Variants in NPAS3 observed in about 807,000 individuals in gnomAD.
The protein encoded by NPAS3 is neuronal PAS domain-containing protein 3.
Under a neutral mutation model 73.1 loss-of-function variants are expected in NPAS3, and 14 were observed. That is an observed-to-expected ratio of 0.19 (90% CI 0.13 to 0.30). The LOEUF is 0.30. Ranked by LOEUF, NPAS3 falls within the 10% of genes least tolerant of loss-of-function variation. The pLI, the probability that NPAS3 is intolerant of heterozygous loss-of-function variation, is 1.00. For synonymous variants in NPAS3, 620 were observed against 541.5 expected (o/e 1.14, Z -2.01); for missense variants, 1,096 against 1,250.0 (o/e 0.88, Z 1.86).
chr14:33,077,746 T>C (rs1449810003), intron 2 of NPAS3, among the ~76,000 whole-genome samples: 2 of 136,516 alleles, frequency 1.5e-5, no homozygotes, highest in Non-Finnish European at 3.1e-5. Flanking sequence ...TGAGTCAGTG[T>C]TGCTTTGCTC....
At chr14:33,368,912 G>C (rs2140425893) in intron 4 of NPAS3, among the ~76,000 whole-genome samples, 1 of 152,216 alleles carries the variant, frequency 6.6e-6, no homozygotes, top group African/African-American at 2.4e-5. Flanking sequence ...CTCAGAAATT[G>C]TTACCTAAGA....
intron 3 of NPAS3, among the ~76,000 whole-genome samples, chr14:33,340,409 C>T (rs999397175): frequency 1.3e-5 from 2 of 152,208 alleles, no homozygotes; most frequent in African/African-American, 4.8e-5. Context: ...GCAGGAGAAT[C>T]TCTTGAACCT....
At chr14:33,026,895 T>TC (rs1438335263) in intron 1 of NPAS3, among the ~76,000 whole-genome samples, 1 of 152,180 alleles carries the variant, frequency 6.6e-6, no homozygotes, top group Admixed American at 6.5e-5. Context: ...TTCCCTTTTT[T>TC]CCCCCTGTTA....
intron 6 of NPAS3, among the ~76,000 whole-genome samples, chr14:33,683,426 T>TTAAA (rs1566419917): frequency 3.1e-5 from 1 of 31,986 alleles, no homozygotes. Context: ...TTTCCTCATT[T>TTAAA]CAAAAAAAAA....
At chr14:32,994,097 C>A (rs946776978) in intron 1 of NPAS3, among the ~76,000 whole-genome samples, 16 of 152,124 alleles carry the variant, frequency 1.1e-4, no homozygotes, top group African/African-American at 3.9e-4. Flanking sequence ...GGTGATAGAG[C>A]AGCTGGTGTT....
At chr14:33,287,606 C>T (rs2041930349) in intron 3 of NPAS3, among the ~76,000 whole-genome samples, 1 of 152,186 alleles carries the variant, frequency 6.6e-6, no homozygotes, top group African/African-American at 2.4e-5. Context: ...TTCCCTCCAC[C>T]TGCATCCCTC....
At chr14:33,560,009 C>CAAAAATAAAAAA (rs2055562686) in intron 4 of NPAS3, 112 bp from the exon 5 acceptor site, 1 of 376,040 alleles carries the variant, frequency 2.7e-6, no homozygotes, top group Non-Finnish European at 4.6e-6. Context: ...GACTCTGTCT[C>CAAAAATAAAAAA]AAAAAAAAAA....
chr14:33,003,921 G>A (rs1595200268), intron 1 of NPAS3, among the ~76,000 whole-genome samples: 1 of 152,128 alleles, frequency 6.6e-6, no homozygotes, highest in South Asian at 2.1e-4. Context: ...CATAAGAAAG[G>A]TATTGTAGTA....
intron 4 of NPAS3, among the ~76,000 whole-genome samples, chr14:33,480,449 G>T (rs1318094028): frequency 6.6e-6 from 1 of 151,988 alleles, no homozygotes; most frequent in Admixed American, 6.6e-5. Context: ...CTGTTCCATA[G>T]AATTCCTGAA....
At chr14:33,431,431 A>C (rs1446355334) in intron 4 of NPAS3, among the ~76,000 whole-genome samples, 2 of 152,122 alleles carry the variant, frequency 1.3e-5, no homozygotes, top group African/African-American at 2.4e-5. Flanking sequence ...AAGGCCATTA[A>C]ACATTCTTTG....
intron 4 of NPAS3, among the ~76,000 whole-genome samples, chr14:33,386,269 AC>A (rs1265304846): frequency 2.6e-5 from 4 of 152,220 alleles, no homozygotes; most frequent in African/African-American, 9.6e-5. Flanking sequence ...AAGTCTATGA[AC>A]TATGAGTATT....
At chr14:33,009,368 T>A (rs1290978181) in intron 1 of NPAS3, among the ~76,000 whole-genome samples, 2 of 152,068 alleles carry the variant, frequency 1.3e-5, no homozygotes, top group East Asian at 3.9e-4. Flanking sequence ...CTTGAGAGAA[T>A]TGTGTCTTGA....
intron 2 of NPAS3, among the ~76,000 whole-genome samples, chr14:33,098,370 T>C (rs543318792): frequency 2.5e-4 from 38 of 152,328 alleles, no homozygotes; most frequent in African/African-American, 9.1e-4. Context: ...TGGTAGGCAT[T>C]TAACTGATTC....
intron 5 of NPAS3, among the ~76,000 whole-genome samples, chr14:33,659,572 C>T (rs1204051355): frequency 1.3e-5 from 2 of 152,178 alleles, no homozygotes; most frequent in Admixed American, 1.3e-4. Flanking sequence ...AAAGACAGAA[C>T]TTCATTTCTA....
chr14:33,093,394 A>T (rs933582666), intron 2 of NPAS3, among the ~76,000 whole-genome samples: 4 of 152,240 alleles, frequency 2.6e-5, no homozygotes, highest in South Asian at 2.1e-4. Flanking sequence ...GCCATCAGAG[A>T]AATGCAAATC....
chr14:33,206,707 T>C (rs1186027918), intron 2 of NPAS3, among the ~76,000 whole-genome samples: 1 of 152,174 alleles, frequency 6.6e-6, no homozygotes, highest in African/African-American at 2.4e-5. Context: ...GGTTCCATGA[T>C]GTTCTTTGAT....
rs758642018 is a variant in NPAS3 at position 33,799,964 on chromosome 14, A to T, written c.1657A>T (p.Met553Leu). 14 of 1,613,948 alleles carry T rather than the reference A, an allele frequency of 8.7e-6. No homozygotes were observed. In the East Asian group the frequency reaches 1.8e-4, roughly 21 times the overall value. ...GGACGGCTTCGGTGCTCTGGGCGCG[A>T]TGCAGATCAAGGTGGAGCGCTACGT... is the stretch of plus-strand genomic sequence containing the variant. Residue 553 changes from methionine (M) to leucine (L), a missense_variant, in exon 12 of 12, where the codon ATG becomes TTG. Transcript: ENST00000356141.
intron 9 of NPAS3, among the ~76,000 whole-genome samples, chr14:33,780,095 A>G (rs1004343835): frequency 1.3e-5 from 2 of 152,242 alleles, no homozygotes; most frequent in Non-Finnish European, 2.9e-5. Flanking sequence ...CAACACTGAC[A>G]TGGAACCAAG....
chr14:33,531,615 G>A (rs1379602769), intron 4 of NPAS3, among the ~76,000 whole-genome samples: 8 of 152,202 alleles, frequency 5.3e-5, no homozygotes, highest in South Asian at 4.1e-4. Flanking sequence ...TTTTGGCACC[G>A]ATGAGCAGAG....
Sources: allele counts gnomAD v4.1 joint callset (sites outside exome capture counted in the v4.1 genomes callset), GRCh38; gene constraint gnomAD v4.1.1; transcripts MANE v1.5; gene names NCBI Gene and HGNC (gene_info 2026-07-23, HGNC 2026-07-21).